The following STON2 variants were observed in gnomAD, a reference collection of about 807,000 sequenced individuals.
STON2 encodes the protein stonin 2.
Under a neutral mutation model 65.7 loss-of-function variants are expected in STON2, and 29 were observed. The observed-to-expected ratio is 0.44, with a 90% CI of 0.33 to 0.60. The LOEUF (loss-of-function observed/expected upper bound fraction) is 0.60. Ranked by LOEUF, STON2 falls within the 20% of genes least tolerant of loss-of-function variation. STON2 has a pLI of 0.03. For synonymous variants in STON2, 404 were observed against 414.2 expected, an observed-to-expected ratio of 0.98 and a Z score of 0.30; for missense variants, 1,054 against 1,118.1, an observed-to-expected ratio of 0.94 and a Z score of 0.82.
At chr14:81,418,463 G>A (rs930473115) in intron 2 of STON2, among the ~76,000 whole-genome samples, 1 of 152,024 alleles carries the variant, frequency 6.6e-6, no homozygotes, top group Non-Finnish European at 1.5e-5. Flanking sequence ...GTAGAATAAA[G>A]TAGAACAGCT....
chr14:81,271,639 C>CAT (rs1201545820), intron 6 of STON2, among the ~76,000 whole-genome samples: 1 of 152,210 alleles, frequency 6.6e-6, no homozygotes, highest in African/African-American at 2.4e-5. Context: ...TAATTCTATA[C>CAT]ATCTATGGGT....
At chr14:81,424,501 A>T (rs1281926609) in intron 2 of STON2, among the ~76,000 whole-genome samples, 2 of 5,792 alleles carry the variant, frequency 3.5e-4, no homozygotes, top group African/African-American at 3.0e-3. Flanking sequence ...ACTCTCACTA[A>T]AAAAAAAAAA....
At chr14:81,315,609 TG>T (rs1265391339) in intron 5 of STON2, among the ~76,000 whole-genome samples, 1 of 152,262 alleles carries the variant, frequency 6.6e-6, no homozygotes, top group Non-Finnish European at 1.5e-5. Flanking sequence ...AAATCCCTCC[TG>T]CTCCCGCAGA....
chr14:81,262,520 CA>C lies in STON2; in HGVS notation c.*5893del. ...TTCAAGTATTTTGAGGCTTGGTACC[CA>C]ATGCTGATTTGTCATCTCTCTAGAT... On this transcript the variant is annotated 3_prime_UTR_variant, in exon 8 of 8. Coordinates refer to ENST00000614646, the MANE Select transcript of STON2 (RefSeq NM_001394390.1). The C allele has an allele frequency of 1.0e-6, 1 of 985,312 alleles. No individual in the cohort carries two copies. The allele number at this position is 985,312 out of a possible 1,614,324, so 61.0% of individuals were successfully genotyped here. A position where few individuals can be genotyped will look rare whatever the true frequency, so the allele number is the denominator to read the frequency against.
In STON2 at chr14:81,264,137, A is replaced by T; in HGVS notation, c.*4277T>A. 3 of 985,420 alleles carry T rather than the reference A, an allele frequency of 3.0e-6. No individual in the cohort carries two copies. Among genetic ancestry groups the T allele is most frequent in the Non-Finnish European group, 2.4e-6 (2 of 829,928 alleles). 61.0% of individuals were successfully genotyped at this position (985,420 alleles called of 1,614,324 possible). A position where few individuals can be genotyped will look rare whatever the true frequency, so the allele number is the denominator to read the frequency against. ...ACTTGCAGGAACAAAGCAATCAATCACCGTGACTATGGACAGCATCTATGC... is the reference window on the plus strand; with the variant it reads ...ACTTGCAGGAACAAAGCAATCAATCTCCGTGACTATGGACAGCATCTATGC... On this transcript the variant is annotated 3_prime_UTR_variant, in exon 8 of 8. Coordinates refer to ENST00000614646, the MANE Select transcript of STON2 (RefSeq NM_001394390.1).
At chr14:81,413,359 T>C in intron 2 of STON2, 1 of 731,354 alleles carries the variant, frequency 1.4e-6, no homozygotes, top group Non-Finnish European at 2.1e-6. Context: ...TGTTCGAACC[T>C]TTATTGTGTT....
chr14:81,388,671 C>T (rs1215392842), intron 3 of STON2, among the ~76,000 whole-genome samples: 3 of 152,294 alleles, frequency 2.0e-5, no homozygotes, highest in Admixed American at 6.5e-5. Flanking sequence ...AAGTCCAATG[C>T]TCGCTTGGCT....
chr14:81,285,950 C>G (rs998970204), intron 5 of STON2, among the ~76,000 whole-genome samples: 29 of 152,272 alleles, frequency 1.9e-4, no homozygotes, highest in African/African-American at 5.8e-4. Flanking sequence ...GAGTCCGAGA[C>G]CAGCCTGGCC....
At chr14:81,338,023 C>T (rs1235230969) in intron 4 of STON2, among the ~76,000 whole-genome samples, 1 of 152,134 alleles carries the variant, frequency 6.6e-6, no homozygotes, top group East Asian at 1.9e-4. Flanking sequence ...GACAGAACTC[C>T]TAAAGCTCTT....
chr14:81,325,568 C>G (rs1431761965), intron 4 of STON2, among the ~76,000 whole-genome samples: 2 of 152,030 alleles, frequency 1.3e-5, no homozygotes, highest in Non-Finnish European at 2.9e-5. Context: ...CAGAGGTAAC[C>G]ACTGTTAGCA....
intron 3 of STON2, among the ~76,000 whole-genome samples, chr14:81,375,495 C>T (rs1899210035): frequency 6.6e-6 from 1 of 151,724 alleles, no homozygotes; most frequent in South Asian, 2.1e-4. Context: ...AATATATAAT[C>T]CTAAACTTGG....
At position 81,398,366 on chromosome 14, in the gene STON2, T is replaced by C. The variant is rs1217946567; in HGVS notation, c.17A>G (p.His6Arg). MTTLD[H>R]VIATHQSEWV... ...TTCTGACTGGTGGGTGGCAATCACA[T>C]GGTCCAAAGTCGTCATGCTAAAAAG... Residue 6 changes from histidine (H) to arginine (R), a missense_variant, in exon 2 of 8, where the codon CAT (histidine) becomes CGT (arginine). By Grantham distance (29) the His-to-Arg change is conservative. Coordinates refer to ENST00000614646, the MANE Select transcript of STON2 (RefSeq NM_001394390.1). 1 of 1,614,010 alleles carries C rather than the reference T, an allele frequency of 6.2e-7. No individual in the cohort carries two copies. The highest frequency in any genetic ancestry group is 8.5e-7 in the Non-Finnish European group (1 of 1,179,934).
At chr14:81,269,837 C>T (rs1292552922) in intron 7 of STON2, 4 of 985,372 alleles carry the variant, frequency 4.1e-6, no homozygotes, top group Non-Finnish European at 4.8e-6. Context: ...TGTCAGAAAA[C>T]TCCAACTTTT....
intron 5 of STON2, among the ~76,000 whole-genome samples, chr14:81,297,712 T>C (rs1895814334): frequency 6.6e-6 from 1 of 152,250 alleles, no homozygotes; most frequent in African/African-American, 2.4e-5. Context: ...AGTATAAAAC[T>C]TTCTAACTTT....
rs1157264547 is a variant in STON2 at position 81,398,409 on chromosome 14, A to G, written c.-27T>C. 1.3e-6 allele frequency: 2 copies of G among 1,576,828 alleles called. No individual in the cohort carries two copies. Among genetic ancestry groups the G allele is most frequent in the East Asian group, 4.5e-5 (2 of 44,670 alleles). On this transcript the variant is annotated 5_prime_UTR_variant, in exon 2 of 8. Transcript: ENST00000614646. Reference sequence around the variant, plus strand: ...CTAAAAAGGCACTGGTCATCTTCACACTGCTGACCTCAGGTGAACCCCAGA... The same window carrying G: ...CTAAAAAGGCACTGGTCATCTTCACGCTGCTGACCTCAGGTGAACCCCAGA...
intron 4 of STON2, among the ~76,000 whole-genome samples, chr14:81,352,744 ACCT>A (rs1898072782): frequency 6.6e-6 from 1 of 152,162 alleles, no homozygotes; most frequent in South Asian, 2.1e-4. Flanking sequence ...TACAGTTGTC[ACCT>A]CCTCTTCAGT....
At chr14:81,289,737 C>T (rs1220360326) in intron 5 of STON2, among the ~76,000 whole-genome samples, 5 of 152,182 alleles carry the variant, frequency 3.3e-5, no homozygotes, top group Admixed American at 1.3e-4. Flanking sequence ...TCCAGCTCCT[C>T]GGGGCTGCAC....
chr14:81,422,591 G>A (rs1464499919), intron 2 of STON2, among the ~76,000 whole-genome samples: 4 of 152,204 alleles, frequency 2.6e-5, no homozygotes, highest in African/African-American at 9.7e-5. Context: ...AGCTCTGAGT[G>A]TGCTTGAGAA....
rs1894415395 is a variant in STON2 at position 81,267,812 on chromosome 14, A to G, written c.*602T>C. 26 of 985,454 alleles carry G rather than the reference A, an allele frequency of 2.6e-5. No individual in the cohort carries two copies. Among genetic ancestry groups the G allele is most frequent in the Non-Finnish European group, 2.9e-5 (24 of 829,940 alleles). The allele number at this position is 985,454 out of a possible 1,614,324, so 61.0% of individuals were successfully genotyped here. A position where few individuals can be genotyped will look rare whatever the true frequency, so the allele number is the denominator to read the frequency against. On this transcript the variant is annotated 3_prime_UTR_variant, in exon 8 of 8. Coordinates refer to ENST00000614646, the MANE Select transcript of STON2 (RefSeq NM_001394390.1). ...TGACTGAAACCTTAGAGAGATGGAA[A>G]AAGTGTTCCAATCTAAACGATCTAG...
Sources: gnomAD v4.1 joint callset for allele counts (sites outside exome capture counted in the v4.1 genomes callset) on GRCh38, gnomAD v4.1.1 for gene constraint, MANE v1.5 for transcripts, NCBI Gene and HGNC (gene_info 2026-07-23, HGNC 2026-07-21) for gene names.